ITSN1: variants seen among roughly 807,000 people sequenced by gnomAD.
ITSN1 encodes the protein intersectin-1.
Under a neutral mutation model 239.8 loss-of-function variants are expected in ITSN1, and 58 were observed. The ratio of observed to expected loss-of-function variants is 0.24; its 90% confidence interval spans 0.20 to 0.30. ITSN1 has a LOEUF of 0.30. Ranked by LOEUF, ITSN1 falls within the 10% of genes least tolerant of loss-of-function variation. ITSN1 has a pLI of 1.00. For missense variants in ITSN1, 1,558 were observed against 2,103.3 expected (o/e 0.74, Z 5.07); for synonymous variants, 780 against 770.8 (o/e 1.01, Z -0.20).
rs920636905 is a variant in ITSN1 at position 33,652,765 on chromosome 21, A to C, written c.-33+10052A>C. 3.9e-5 allele frequency among the ~76,000 whole-genome samples: 6 copies of C among 152,096 alleles called. 1 individual carries two copies. The highest frequency in any genetic ancestry group is 1.5e-4 in the African/African-American group (6 of 41,372). ...GAGTGTGAATGATTATTAAATGCCTATTGGCCTTACACAAATTTATTTGGT... is the reference window on the plus strand; with the variant it reads ...GAGTGTGAATGATTATTAAATGCCTCTTGGCCTTACACAAATTTATTTGGT... On this transcript the variant is annotated intron_variant, in intron 1 of 39. Transcript: ENST00000381318.
At chr21:33,776,846 C>A (rs1352665101) in intron 14 of ITSN1, among the ~76,000 whole-genome samples, 2 of 152,072 alleles carry the variant, frequency 1.3e-5, no homozygotes, top group Non-Finnish European at 2.9e-5. Context: ...CAAATATTTT[C>A]TCCCAATCTG....
chr21:33,751,973 AC>A, intron 7 of ITSN1, 67 bp downstream of exon 7: 1 of 1,009,318 alleles, frequency 9.9e-7, no homozygotes, highest in Non-Finnish European at 1.6e-6. Context: ...CATAAATTTG[AC>A]CATGAATCAT....
Position 33,811,111 on chromosome 21 carries a change from C to G in ITSN1, c.2456C>G (p.Ser819Ter). ...GCTCCAGTGAAACCAGTGACTGATT[C>G]AACATCTGCCCCTGCCCCCAAACTG... ...VPAPVKPVTD[S>*]TSAPAPKLAL... Residue 819 changes from serine (S) to a stop codon, truncating the protein, a stop_gained, in exon 21 of 40, where the codon TCA (serine) becomes TGA (stop). Coordinates refer to ENST00000381318, the MANE Select transcript of ITSN1 (RefSeq NM_003024.3). LOFTEE classifies it high-confidence loss of function. 6.2e-7 allele frequency: 1 copy of G among 1,614,200 alleles called. No individual in the cohort carries two copies. Among genetic ancestry groups the G allele is most frequent in the Non-Finnish European group, 8.5e-7 (1 of 1,180,024 alleles).
At chr21:33,770,353 G>A (rs140611487) in intron 11 of ITSN1, among the ~76,000 whole-genome samples, 2 of 152,268 alleles carry the variant, frequency 1.3e-5, no homozygotes, top group Non-Finnish European at 2.9e-5. Flanking sequence ...GTGAGCCACC[G>A]TGCCTGGCCA....
chr21:33,755,974 A>G (rs2067879876), intron 8 of ITSN1, among the ~76,000 whole-genome samples: 2 of 152,226 alleles, frequency 1.3e-5, no homozygotes, highest in Admixed American at 1.3e-4. Flanking sequence ...ATACTGTTCA[A>G]AATTTTTCTC....
chr21:33,771,531 TAAAG>T (rs1049332634), intron 11 of ITSN1, among the ~76,000 whole-genome samples: 3 of 152,216 alleles, frequency 2.0e-5, no homozygotes, highest in African/African-American at 4.8e-5. Context: ...ATTGATGTGT[TAAAG>T]AAGGAAACTG....
chr21:33,742,436 C>A (rs2066919473), intron 5 of ITSN1, among the ~76,000 whole-genome samples: 1 of 152,150 alleles, frequency 6.6e-6, no homozygotes, highest in African/African-American at 2.4e-5. Context: ...ACATTTGTAA[C>A]AGTGCAGGAG....
At chr21:33,682,574 G>T (rs2091028410) in intron 1 of ITSN1, among the ~76,000 whole-genome samples, 1 of 152,074 alleles carries the variant, frequency 6.6e-6, no homozygotes, top group Admixed American at 6.6e-5. Context: ...TGCCCAGGCT[G>T]GAAGAATACA....
rs1156578880 is a variant in ITSN1 at position 33,854,486 on chromosome 21, G to C, written c.3662-2250G>C. 3.3e-5 allele frequency among the ~76,000 whole-genome samples: 5 copies of C among 152,220 alleles called. No homozygotes were observed. In the East Asian group the frequency reaches 9.6e-4, roughly 29 times the overall value. ...GGCCCTTTCACTCACTCACAGGAGA[G>C]TGGGGTAAAAAGAGGGCAGGAACAA... On this transcript the variant is annotated intron_variant, in intron 29 of 39. Transcript: ENST00000381318.
Position 33,659,705 on chromosome 21 carries a change from CT to C in ITSN1, c.-33+17017del, listed in dbSNP as rs71194859. Among the ~76,000 whole-genome samples, 544 of 76,550 alleles carry C rather than the reference CT, an allele frequency of 7.1e-3. 1 individual carries two copies. The highest frequency in any genetic ancestry group is 0.028 in the African/African-American group (503 of 17,988). 50.2% of individuals were successfully genotyped at this position (76,550 alleles called of 152,430 possible). On this transcript the variant is annotated intron_variant, in intron 1 of 39. Transcript: ENST00000381318. ...TCATGGACTAAGTCAGCAGCCTGTACTTTTTTTTTTTTTTTTTTTTTTTTTG... is the reference window on the plus strand; with the variant it reads ...TCATGGACTAAGTCAGCAGCCTGTACTTTTTTTTTTTTTTTTTTTTTTTTG...
In ITSN1 at chr21:33,838,777, C is replaced by T. The variant is rs550480109; in HGVS notation, c.3661+2145C>T. On this transcript the variant is annotated intron_variant, in intron 29 of 39. Coordinates refer to ENST00000381318, the MANE Select transcript of ITSN1 (RefSeq NM_003024.3). ...ACCCAGTTTAGCAGTTCAGTCTCACCGGGCTTTTGATATAAGTTGTCGACA... is the reference window on the plus strand; with the variant it reads ...ACCCAGTTTAGCAGTTCAGTCTCACTGGGCTTTTGATATAAGTTGTCGACA... Among the ~76,000 whole-genome samples the T allele has an allele frequency of 2.6e-5, 4 of 152,270 alleles. No homozygotes were observed. The East Asian group carries it at 5.8e-4, about 22-fold the overall frequency.
At chr21:33,877,507 A>T (rs970444210) in intron 34 of ITSN1, among the ~76,000 whole-genome samples, 1 of 152,174 alleles carries the variant, frequency 6.6e-6, no homozygotes, top group Non-Finnish European at 1.5e-5. Context: ...TAAAGCACAC[A>T]TTCTCAGGGC....
intron 34 of ITSN1, among the ~76,000 whole-genome samples, chr21:33,880,111 G>C (rs1371402431): frequency 6.6e-6 from 1 of 152,220 alleles, no homozygotes; most frequent in Non-Finnish European, 1.5e-5. Flanking sequence ...GTGATGGGAA[G>C]GGGATGTGTT....
intron 19 of ITSN1, among the ~76,000 whole-genome samples, chr21:33,800,199 AGAG>A (rs1365737243): frequency 1.3e-5 from 2 of 152,056 alleles, no homozygotes; most frequent in Admixed American, 6.6e-5. Context: ...TGATAATTTC[AGAG>A]TTTAGATTAC....
chr21:33,718,848 C>A lies in ITSN1; in HGVS notation c.20C>A (p.Pro7His), dbSNP rs1484793420. ...AGAACCATGGCTCAGTTTCCAACACCTTTTGGTGGTAAGTTTTCAGAAATT... is the reference window on the plus strand; with the variant it reads ...AGAACCATGGCTCAGTTTCCAACACATTTTGGTGGTAAGTTTTCAGAAATT... MAQFPT[P>H]FGGSLDIWAI... The change falls in exon 2 of 40, where the codon CCT (proline) becomes CAT (histidine). Residue 7 changes from proline (P) to histidine (H), a missense_variant. Pro to His is a moderately conservative substitution (Grantham distance 77). Around this residue, in one of 2 missense-constraint regions of ITSN1, gnomAD observed 982 missense variants for 1,209.9 expected, o/e 0.81. Transcript: ENST00000381318. The A allele has an allele frequency of 1.9e-6, 3 of 1,613,236 alleles. No individual in the cohort carries two copies. Among genetic ancestry groups the A allele is most frequent in the Non-Finnish European group, 1.7e-6 (2 of 1,179,582 alleles).
At chr21:33,885,938 G>A (rs1985721408) in intron 38 of ITSN1, among the ~76,000 whole-genome samples, 1 of 151,118 alleles carries the variant, frequency 6.6e-6, no homozygotes, top group Non-Finnish European at 1.5e-5. Context: ...CGGGCATGGT[G>A]GCTCACACCT....
intron 21 of ITSN1, among the ~76,000 whole-genome samples, chr21:33,811,461 T>A (rs1314920885): frequency 6.6e-6 from 1 of 152,236 alleles, no homozygotes. Flanking sequence ...TTATCTTGTT[T>A]TGTTCAATAA....
At position 33,893,284 on chromosome 21, in the gene ITSN1, T is replaced by G. The variant is rs1241883848; in HGVS notation, c.*4984T>G. On this transcript the variant is annotated 3_prime_UTR_variant, in exon 40 of 40. Coordinates refer to ENST00000381318, the MANE Select transcript of ITSN1 (RefSeq NM_003024.3). ...TCAATTAATGTTGCTTTGTGTGGGG[T>G]TCTTCAGAGAAATAATGCAAACCGG... 2 of 152,172 alleles carry G rather than the reference T, an allele frequency of 1.3e-5. No homozygotes were observed. Among genetic ancestry groups the G allele is most frequent in the African/African-American group, 4.8e-5 (2 of 41,398 alleles). The allele number at this position is 152,172 out of a possible 1,614,324, so 9.4% of individuals were successfully genotyped here.
intron 5 of ITSN1, among the ~76,000 whole-genome samples, chr21:33,742,002 TATTA>T (rs956521887): frequency 2.9e-4 from 44 of 151,942 alleles, no homozygotes; most frequent in African/African-American, 9.9e-4. Context: ...TAAAAATTAC[TATTA>T]ATTCTGTTAC....
Sources: allele counts gnomAD v4.1 joint callset (sites outside exome capture counted in the v4.1 genomes callset), GRCh38; gene constraint gnomAD v4.1.1; regional missense constraint gnomAD v4.1.1; transcripts MANE v1.5; gene names NCBI Gene and HGNC (gene_info 2026-07-23, HGNC 2026-07-21).